MAN1C1: variants seen among roughly 807,000 people sequenced by gnomAD.
MAN1C1 encodes the protein mannosidase alpha class 1C member 1.
In MAN1C1, 49 loss-of-function variants were observed where a neutral mutation model predicts 71.5. The observed-to-expected ratio is 0.69, with a 90% CI of 0.54 to 0.87. The LOEUF (loss-of-function observed/expected upper bound fraction) is 0.87, where lower values mean the gene tolerates loss of function less well. Ranked by LOEUF, MAN1C1 falls within the 40% of genes least tolerant of loss-of-function variation. MAN1C1 has a pLI of 0.00. For missense variants in MAN1C1, 743 were observed against 835.0 expected (o/e 0.89, Z 1.36); for synonymous variants, 352 against 343.7 (o/e 1.02, Z -0.27).
chr1:25,699,282 A>G (rs1022412083), intron 2 of MAN1C1, among the ~76,000 whole-genome samples: 1 of 151,776 alleles, frequency 6.6e-6, no homozygotes, highest in African/African-American at 2.4e-5. Context: ...CCTGGGCAAC[A>G]AGAGCGAAAC....
chr1:25,649,188 G>T (rs1193955524), intron 1 of MAN1C1, among the ~76,000 whole-genome samples: 1 of 152,208 alleles, frequency 6.6e-6, no homozygotes, highest in East Asian at 1.9e-4. Context: ...CACTTGCCAC[G>T]CATGAGTACT....
intron 7 of MAN1C1, among the ~76,000 whole-genome samples, chr1:25,768,074 C>T (rs2047473335): frequency 1.5e-4 from 4 of 26,676 alleles, no homozygotes; most frequent in South Asian, 3.8e-3. Flanking sequence ...CACACACACA[C>T]TCCCCCCCAC....
chr1:25,655,676 C>G (rs577716957), intron 1 of MAN1C1, among the ~76,000 whole-genome samples: 19 of 152,234 alleles, frequency 1.2e-4, no homozygotes, highest in African/African-American at 4.6e-4. Context: ...TGTCTCTTAT[C>G]GGCCTCTAAT....
At chr1:25,668,705 G>A (rs911433457) in intron 1 of MAN1C1, among the ~76,000 whole-genome samples, 1 of 151,910 alleles carries the variant, frequency 6.6e-6, no homozygotes, top group Non-Finnish European at 1.5e-5. Context: ...ACAGACGCCC[G>A]CCATGATGCC....
In MAN1C1 at chr1:25,617,905, C is replaced by T. The variant is rs751062490; in HGVS notation, c.108C>T (p.Cys36=). 1.2e-6 allele frequency: 2 copies of T among 1,608,154 alleles called. No individual in the cohort carries two copies. Among genetic ancestry groups the T allele is most frequent in the East Asian group, 4.5e-5 (2 of 44,298 alleles). ...LLFLSGLVTL[C]FGALFLLPHS... Reference sequence around the variant, plus strand: ...TCCTCTCGGGCCTGGTCACCCTGTGCTTCGGGGCCCTCTTCCTGCTGCCCC... The same window carrying T: ...TCCTCTCGGGCCTGGTCACCCTGTGTTTCGGGGCCCTCTTCCTGCTGCCCC... Residue 36 remains cysteine, a synonymous_variant, in exon 1 of 12, where the codon TGC becomes TGT. Coordinates refer to ENST00000374332, the MANE Select transcript of MAN1C1 (RefSeq NM_020379.4). The surrounding 1 kb of genome is among the most constrained non-coding windows in gnomAD (Gnocchi z 5.1).
chr1:25,763,781 C>T (rs928657780), intron 6 of MAN1C1, 93 bp from the exon 7 acceptor site: 3 of 962,024 alleles, frequency 3.1e-6, no homozygotes, highest in Admixed American at 1.8e-5. Context: ...TTCCTCCATG[C>T]ATCTGAACCA....
intron 2 of MAN1C1, among the ~76,000 whole-genome samples, chr1:25,734,042 G>A (rs888960857): frequency 7.9e-5 from 12 of 151,886 alleles, no homozygotes; most frequent in Non-Finnish European, 1.2e-4. Flanking sequence ...CTCGTGATCC[G>A]CCCACCTCGG....
intron 2 of MAN1C1, among the ~76,000 whole-genome samples, chr1:25,744,509 T>C (rs2047102008): frequency 6.6e-6 from 1 of 152,008 alleles, no homozygotes; most frequent in East Asian, 1.9e-4. Context: ...TTCTCCGACC[T>C]CCAGCCCATC....
chr1:25,759,788 AG>A (rs1335651051), intron 6 of MAN1C1: 1 of 152,132 alleles, frequency 6.6e-6, no homozygotes, highest in Non-Finnish European at 1.5e-5. Flanking sequence ...AGTCCACCTG[AG>A]TGTCCTTAAG....
intron 1 of MAN1C1, among the ~76,000 whole-genome samples, chr1:25,662,500 A>C (rs1352805147): frequency 1.3e-5 from 2 of 151,964 alleles, no homozygotes; most frequent in Admixed American, 6.6e-5. Context: ...CGTGTCACAG[A>C]CTCCTTGCTA....
At chr1:25,687,366 A>G (rs771184075) in intron 2 of MAN1C1, among the ~76,000 whole-genome samples, 1 of 152,116 alleles carries the variant, frequency 6.6e-6, no homozygotes. Context: ...TCTTGTGGGC[A>G]TGGGCTCAGA....
intron 6 of MAN1C1, among the ~76,000 whole-genome samples, chr1:25,762,311 G>C (rs182227849): frequency 1.9e-4 from 29 of 151,784 alleles, no homozygotes; most frequent in Non-Finnish European, 4.3e-4. Context: ...GTTTTGTAGA[G>C]ACAGTTTCGC....
intron 1 of MAN1C1, among the ~76,000 whole-genome samples, chr1:25,679,953 AT>A (rs1557762195): frequency 0.026 from 2,967 of 113,486 alleles, 96 homozygotes; most frequent in African/African-American, 0.097. Flanking sequence ...AAAAAAAAAT[AT>A]ATATATATAT....
rs1197212395 is a variant in MAN1C1 at position 25,782,343 on chromosome 1, G to C, written c.1651-242G>C. On this transcript the variant is annotated intron_variant, in intron 10 of 11. Coordinates refer to ENST00000374332, the MANE Select transcript of MAN1C1 (RefSeq NM_020379.4). The surrounding 1 kb of genome is among the most constrained non-coding windows in gnomAD (Gnocchi z 4.4). ...AAGAGCTCAGGACAGGCAGCCCATC[G>C]GGCCAGAGCTCTCAGAGGTGTGGGT... is the stretch of plus-strand genomic sequence containing the variant. 6.6e-6 allele frequency among the ~76,000 whole-genome samples: 1 copy of C among 151,644 alleles called. No homozygotes were observed. Among genetic ancestry groups the C allele is most frequent in the Admixed American group, 6.6e-5 (1 of 15,240 alleles).
In MAN1C1 at chr1:25,652,859, G is replaced by T. The variant is rs190902376; in HGVS notation, c.541-33581G>T. Among the ~76,000 whole-genome samples, 4 of 152,268 alleles carry T rather than the reference G, an allele frequency of 2.6e-5. No individual in the cohort carries two copies. In the East Asian group the frequency reaches 5.8e-4, roughly 22 times the overall value. On this transcript the variant is annotated intron_variant, in intron 1 of 11. Coordinates refer to ENST00000374332, the MANE Select transcript of MAN1C1 (RefSeq NM_020379.4). ...TAGCCTCAACCTCCCAGGCTCAAGC[G>T]ATCCTCCCACCTCAGCCTTCAAAGT...
intron 1 of MAN1C1, among the ~76,000 whole-genome samples, chr1:25,627,356 A>G (rs1353139030): frequency 6.6e-6 from 1 of 150,872 alleles, no homozygotes. Context: ...ATCTCAGCTC[A>G]CTCCACCTCC....
chr1:25,723,429 G>A (rs1274426798), intron 2 of MAN1C1, among the ~76,000 whole-genome samples: 1 of 152,206 alleles, frequency 6.6e-6, no homozygotes, highest in Non-Finnish European at 1.5e-5. Context: ...GCACAAACCT[G>A]AGTGCCTGTT....
chr1:25,682,586 C>T (rs939035851), intron 1 of MAN1C1, among the ~76,000 whole-genome samples: 2 of 152,152 alleles, frequency 1.3e-5, no homozygotes, highest in African/African-American at 2.4e-5. Context: ...GCTGGCTCCC[C>T]GTGGCTGAAG....
rs1017887642 is a variant in MAN1C1, at chr1:25,735,256, A to C, written c.638-11412A>C. 1.3e-5 allele frequency among the ~76,000 whole-genome samples: 2 copies of C among 152,200 alleles called. No homozygotes were observed. Among genetic ancestry groups the C allele is most frequent in the Admixed American group, 6.5e-5 (1 of 15,276 alleles). The stretch of plus-strand genomic sequence containing the variant: ...AACATGGCGAATCCCCACCTCTGCC[A>C]AAAACACAAAAATTAGCCGGGCATG... On this transcript the variant is annotated intron_variant, in intron 2 of 11. Transcript: ENST00000374332. This position sits in a 1 kb window ranked among gnomAD's most constrained non-coding sequence, Gnocchi z 4.6.
Sources: gnomAD v4.1 joint callset for allele counts (sites outside exome capture counted in the v4.1 genomes callset) on GRCh38, gnomAD v4.1.1 for gene constraint, Gnocchi (gnomAD v3.1) non-coding constraint, MANE v1.5 for transcripts, NCBI Gene and HGNC (gene_info 2026-07-23, HGNC 2026-07-21) for gene names.